DGKZ: variants seen among roughly 807,000 people sequenced by gnomAD.
DGKZ encodes the protein diacylglycerol kinase zeta.
A neutral mutation model predicts 142.5 loss-of-function variants in DGKZ; 45 were observed. The observed-to-expected ratio is 0.32, with a 90% confidence interval of 0.25 to 0.40. The LOEUF (loss-of-function observed/expected upper bound fraction) is 0.40. Among genes scored for constraint, DGKZ ranks in the 10% least tolerant of loss-of-function variants. The probability of loss-of-function intolerance (pLI) is 1.00; values close to 1 mark genes in which losing one functional copy is unlikely to be tolerated. For synonymous variants in DGKZ, 442 were observed against 527.0 expected (o/e 0.84, Z 2.21); for missense variants, 755 against 1,306.5 (o/e 0.58, Z 6.51).
At position 46,367,545 on chromosome 11, in the gene DGKZ, CG is replaced by C; in HGVS notation, c.271-103del. ...GCAGACGGAACAGAGCAGGGTCGAT[CG>C]GGGCGCTGGAGTGGGTTTGTCTTGG... On this transcript the variant is annotated intron_variant, in intron 2 of 30. Transcript: ENST00000527911. This position sits in a 1 kb window ranked among gnomAD's most constrained non-coding sequence, Gnocchi z 4.1. The C allele has an allele frequency of 3.8e-6, 3 of 791,406 alleles. No individual in the cohort carries two copies. Among genetic ancestry groups the C allele is most frequent in the Non-Finnish European group, 4.7e-6 (3 of 633,428 alleles). The allele number at this position is 791,406 out of a possible 1,614,324, so 49.0% of individuals were successfully genotyped here.
At chr11:46,369,205 G>A in intron 4 of DGKZ, 4 of 503,734 alleles carry the variant, frequency 7.9e-6, no homozygotes, top group Admixed American at 3.3e-5. Context: ...AAAACAACGA[G>A]CAAACCATGG....
At chr11:46,364,186 T>A (rs72910084) in intron 1 of DGKZ, among the ~76,000 whole-genome samples, 2,472 of 152,330 alleles carry the variant, frequency 0.016, 22 homozygotes, top group Non-Finnish European at 0.022. Context: ...GCTTTGCCGT[T>A]AGGTAGACTT....
At position 46,367,579 on chromosome 11, in the gene DGKZ, C is replaced by T. The variant is rs1165624696; in HGVS notation, c.271-73C>T. On this transcript the variant is annotated intron_variant, in intron 2 of 30. Coordinates refer to ENST00000527911, the Ensembl canonical transcript of DGKZ. The surrounding 1 kb of genome is among the most constrained non-coding windows in gnomAD (Gnocchi z 4.1). ...GGAGTGGGTTTGTCTTGGGAGAGGG[C>T]GGGTGGGCGGGGGCTGATGGGAGGG... The T allele has an allele frequency of 1.3e-5, 6 of 477,612 alleles. No individual in the cohort carries two copies. Among genetic ancestry groups the T allele is most frequent in the African/African-American group, 9.3e-5 (1 of 10,702 alleles). The allele number at this position is 477,612 out of a possible 1,614,324, so 29.6% of individuals were successfully genotyped here.
rs1475593090 is a variant in DGKZ, at chr11:46,372,227, G to A, written c.927+57G>A. 1.7e-5 allele frequency: 25 copies of A among 1,481,854 alleles called. No individual in the cohort carries two copies. Among genetic ancestry groups the A allele is most frequent in the Middle Eastern group, 1.7e-4 (1 of 5,726 alleles). 91.8% of individuals were successfully genotyped at this position (1,481,854 alleles called of 1,614,324 possible). A position where few individuals can be genotyped will look rare whatever the true frequency, so the allele number is the denominator to read the frequency against. On this transcript the variant is annotated intron_variant, in intron 10 of 30. Coordinates refer to ENST00000527911, the Ensembl canonical transcript of DGKZ. The surrounding 1 kb of genome is among the most constrained non-coding windows in gnomAD (Gnocchi z 5.9). Reference sequence around the variant, plus strand: ...TCGGGCGGGGGTTGGGGTCCAGCCCGTCTGCCAGCAGCTGTTCCCAGAGCC... The same window carrying A: ...TCGGGCGGGGGTTGGGGTCCAGCCCATCTGCCAGCAGCTGTTCCCAGAGCC...
intron 5 of DGKZ, 131 bp from the exon 6 acceptor site, chr11:46,369,810 C>A: frequency 2.0e-6 from 2 of 1,020,228 alleles, no homozygotes; most frequent in South Asian, 1.4e-5. Context: ...GAGTCTTTAG[C>A]CCCTCCTCCA....
chr11:46,374,657 C>G (rs1247586597), exon 17 of DGKZ: 2 of 1,592,344 alleles, frequency 1.3e-6, no homozygotes, highest in Non-Finnish European at 1.7e-6. Context: ...CCAAGCACAT[C>G]CGAGTGGTGG....
chr11:46,346,393 T>G (rs1284336711), upstream of DGKZ, among the ~76,000 whole-genome samples: 2 of 109,224 alleles, frequency 1.8e-5, no homozygotes, highest in Non-Finnish European at 4.3e-5. Flanking sequence ...CCTCCCTTCG[T>G]CAGCCCTGCG....
intron 24 of DGKZ, 65 bp downstream of exon 24, chr11:46,376,629 A>T: frequency 6.3e-7 from 1 of 1,598,250 alleles, no homozygotes; most frequent in South Asian, 1.1e-5. Flanking sequence ...CTCTCCTGGG[A>T]CGCCTTCCCT....
chr11:46,374,452 G>A (rs957727361), exon 16 of DGKZ: 1 of 1,613,956 alleles, frequency 6.2e-7, no homozygotes, highest in Non-Finnish European at 8.5e-7. Flanking sequence ...GTTCTACGCC[G>A]GGGTGAGTGG....
At chr11:46,377,967 CTTAT>C (rs946893915) in intron 25 of DGKZ, 8 of 607,320 alleles carry the variant, frequency 1.3e-5, no homozygotes, top group African/African-American at 3.7e-5. Context: ...CTCAGAACTC[CTTAT>C]TTATTTGACT....
chr11:46,361,739 C>G (rs943606600), intron 1 of DGKZ: 1 of 925,200 alleles, frequency 1.1e-6, no homozygotes, highest in Non-Finnish European at 1.3e-6. Context: ...TCCTTGCTTT[C>G]TGCTTCCTCC....
chr11:46,352,173 T>C (rs1405105188), intron 1 of DGKZ, among the ~76,000 whole-genome samples: 1 of 152,216 alleles, frequency 6.6e-6, no homozygotes, highest in East Asian at 1.9e-4. Flanking sequence ...TAGCCCTGAG[T>C]CTTAGGCCGC....
In DGKZ at chr11:46,339,266, G is replaced by A. The variant is rs538063978; in HGVS notation, c.212+5779G>A. ...CCAAGAGTGACAGGGAGATGGGGCC[G>A]ATTTGTAATTTAAATAGCAACAGGA... On this transcript the variant is annotated intron_variant, in intron 1 of 30. Transcript: ENST00000343674. Among the ~76,000 whole-genome samples, 12 of 152,310 alleles carry A rather than the reference G, an allele frequency of 7.9e-5. No homozygotes were observed. The East Asian group carries it at 2.1e-3, about 27-fold the overall frequency.
chr11:46,345,356 T>C, upstream of DGKZ: 9 of 878,678 alleles, frequency 1.0e-5, no homozygotes, highest in Admixed American at 5.0e-5. The surrounding 1 kb of genome is among the most constrained non-coding windows in gnomAD (Gnocchi z 4.1). Context: ...GGCCCCCCCC[T>C]CGACCCCACC....
upstream of DGKZ, among the ~76,000 whole-genome samples, chr11:46,344,188 AACCC>A (rs1276737409): frequency 2.0e-5 from 3 of 151,464 alleles, no homozygotes; most frequent in African/African-American, 7.3e-5. Flanking sequence ...GACCTCAAGT[AACCC>A]ACCAGCCTCA....
intron 1 of DGKZ, among the ~76,000 whole-genome samples, chr11:46,358,164 G>A (rs924253343): frequency 6.6e-6 from 1 of 152,150 alleles, no homozygotes; most frequent in Non-Finnish European, 1.5e-5. Context: ...GCAGTGGTGG[G>A]TAAAACTGCT....
At chr11:46,334,780 G>A (rs1033680587) in intron 1 of DGKZ, among the ~76,000 whole-genome samples, 1 of 152,140 alleles carries the variant, frequency 6.6e-6, no homozygotes, top group Non-Finnish European at 1.5e-5. Context: ...CTGGCTGTAG[G>A]TATGAATGTC....
intron 5 of DGKZ, 133 bp downstream of exon 5, chr11:46,369,683 T>C: frequency 1.6e-6 from 2 of 1,265,548 alleles, no homozygotes; most frequent in Non-Finnish European, 2.3e-6. Flanking sequence ...GTCTGAGGTC[T>C]GCCATGCGGA....
intron 1 of DGKZ, among the ~76,000 whole-genome samples, chr11:46,340,966 T>C (rs1009523886): frequency 2.0e-5 from 3 of 152,216 alleles, no homozygotes; most frequent in African/African-American, 4.8e-5. Context: ...CTGGGCAACA[T>C]GGCGAAACCC....
Sources: gnomAD v4.1 joint callset for allele counts (sites outside exome capture counted in the v4.1 genomes callset) on GRCh38, gnomAD v4.1.1 for gene constraint, Gnocchi (gnomAD v3.1) non-coding constraint, MANE v1.5 for transcripts, NCBI Gene and HGNC (gene_info 2026-07-23, HGNC 2026-07-21) for gene names.